ZFHX4: variants seen among roughly 807,000 people sequenced by gnomAD.
ZFHX4 encodes zinc finger homeobox protein 4.
Under a neutral mutation model 267.6 loss-of-function variants are expected in ZFHX4, and 56 were observed. The ratio of observed to expected loss-of-function variants is 0.21; its 90% CI spans 0.17 to 0.26. The LOEUF (loss-of-function observed/expected upper bound fraction) is 0.26, where lower values mean the gene tolerates loss of function less well. ZFHX4 is among the 10% of genes least tolerant of loss of function. The pLI, the probability that ZFHX4 is intolerant of heterozygous loss-of-function variation, is 1.00. For missense variants in ZFHX4, 4,332 were observed against 4,420.0 expected, an observed-to-expected ratio of 0.98 and a Z score of 0.56; for synonymous variants, 1,778 against 1,665.6, an observed-to-expected ratio of 1.07 and a Z score of -1.64.
chr8:76,728,755 AC>A (rs1378062178), intron 3 of ZFHX4, among the ~76,000 whole-genome samples: 4 of 151,850 alleles, frequency 2.6e-5, no homozygotes, highest in African/African-American at 7.2e-5. Flanking sequence ...CTGGGAGAGC[AC>A]CCCCCCAATC....
At chr8:76,818,270 G>A (rs1237917994) in intron 4 of ZFHX4, among the ~76,000 whole-genome samples, 1 of 152,056 alleles carries the variant, frequency 6.6e-6, no homozygotes, top group African/African-American at 2.4e-5. Context: ...ATTGTCCTTA[G>A]GGTTAAGAGG....
At position 76,852,519 on chromosome 8, in the gene ZFHX4, A is replaced by G. The variant is rs1156282258; in HGVS notation, c.5598A>G (p.Glu1866=). ...KEAEDISEKP[E]KPKQEFISEG... is the part of the protein sequence containing the mutation. ...CAGAAGATATTTCTGAAAAGCCAGA[A>G]AAACCAAAGCAGGAATTTATAAGTG... The change falls in exon 10 of 11, where the codon GAA becomes GAG. Residue 1866 remains glutamate (E), a synonymous_variant. Transcript: ENST00000651372. The G allele has an allele frequency of 6.2e-7, 1 of 1,607,648 alleles. No individual in the cohort carries two copies. The highest frequency in any genetic ancestry group is 1.3e-5 in the African/African-American group (1 of 74,864).
intron 3 of ZFHX4, among the ~76,000 whole-genome samples, chr8:76,744,081 C>T (rs1809391833): frequency 2.0e-5 from 3 of 152,120 alleles, no homozygotes; most frequent in South Asian, 2.1e-4. Flanking sequence ...CACAGTGGCT[C>T]ACGCCTGTAA....
rs756983466 is a variant in ZFHX4 at position 76,704,741 on chromosome 8, C to T, written c.653C>T (p.Ala218Val). 6.2e-7 allele frequency: 1 copy of T among 1,613,974 alleles called. No homozygotes were observed. The highest frequency in any genetic ancestry group is 1.7e-5 in the Admixed American group (1 of 60,020). ...GCTTTCCCAAATACCTCAGCATTAG[C>T]AGGAGTTGGTCCTGTGTTGCACAGT... ...DQAFPNTSAL[A>V]GVGPVLHSFR... is the part of the protein sequence containing the mutation. The change falls in exon 2 of 11, where the codon GCA (alanine) becomes GTA (valine). Residue 218 changes from alanine to valine, a missense_variant. Ala to Val is a moderately conservative substitution (Grantham distance 64, BLOSUM62 0). Transcript: ENST00000651372.
Position 76,721,885 on chromosome 8 carries a change from A to G in ZFHX4, c.3093+13837A>G, listed in dbSNP as rs562294868. Among the ~76,000 whole-genome samples, 81 of 152,246 alleles carry G rather than the reference A, an allele frequency of 5.3e-4. 1 individual carries two copies. In the South Asian group the frequency reaches 0.015, roughly 28 times the overall value. On this transcript the variant is annotated intron_variant, in intron 3 of 10. Transcript: ENST00000651372. ...TATGTATGATTTTTATGTTTTCATA[A>G]TAGTAAGTGTATGGATGAACCTAAA...
chr8:76,851,297 T>C lies in ZFHX4; in HGVS notation c.4376T>C (p.Leu1459Pro). 1 of 1,613,772 alleles carries C rather than the reference T, an allele frequency of 6.2e-7. No homozygotes were observed. Among genetic ancestry groups the C allele is most frequent in the Non-Finnish European group, 8.5e-7 (1 of 1,179,822 alleles). The change falls in exon 10 of 11, where the codon CTA becomes CCA. Residue 1459 changes from leucine (L) to proline (P), a missense_variant. By Grantham distance (98) the Leu-to-Pro change is moderately conservative. Around this residue, in one of 7 missense-constraint regions of ZFHX4, gnomAD observed 1,371 missense variants for 1,423.1 expected, o/e 0.96. Coordinates refer to ENST00000651372, the MANE Select transcript of ZFHX4 (RefSeq NM_024721.5). ...PELSEAELQQ[L>P]YASLPVNGEL... ...CTGAGTGAAGCTGAACTTCAACAGC[T>C]ATATGCCTCCTTGCCCGTGAATGGA...
At chr8:76,850,481 G>T (rs768984842) in intron 9 of ZFHX4, 119 bp downstream of exon 9, 98 of 835,586 alleles carry the variant, frequency 1.2e-4, no homozygotes, top group Non-Finnish European at 3.3e-5. Flanking sequence ...AAAAATGTAT[G>T]CCATTTCAAA....
intron 4 of ZFHX4, among the ~76,000 whole-genome samples, chr8:76,781,927 C>T (rs981607852): frequency 6.6e-6 from 1 of 151,898 alleles, no homozygotes; most frequent in African/African-American, 2.4e-5. Context: ...AATTGAATTC[C>T]ATAAAGTATA....
At chr8:76,745,305 C>A (rs1158581982) in intron 3 of ZFHX4, among the ~76,000 whole-genome samples, 1 of 152,064 alleles carries the variant, frequency 6.6e-6, no homozygotes, top group Non-Finnish European at 1.5e-5. Context: ...ATTTTTTTGC[C>A]TGTGCTCACA....
intron 3 of ZFHX4, among the ~76,000 whole-genome samples, chr8:76,752,283 A>G (rs1004613671): frequency 6.6e-6 from 1 of 151,970 alleles, no homozygotes; most frequent in African/African-American, 2.4e-5. Context: ...TATATTTAGT[A>G]TGGCTCTAAA....
chr8:76,715,884 C>T (rs148473784), intron 3 of ZFHX4, among the ~76,000 whole-genome samples: 1 of 152,264 alleles, frequency 6.6e-6, no homozygotes, highest in Non-Finnish European at 1.5e-5. Flanking sequence ...TAAGTACTAG[C>T]ATAAAATATA....
intron 4 of ZFHX4, among the ~76,000 whole-genome samples, chr8:76,829,378 A>C (rs1290012587): frequency 6.6e-6 from 1 of 152,216 alleles, no homozygotes; most frequent in East Asian, 1.9e-4. Context: ...TTACCAGAAT[A>C]AATATTGCTT....
At position 76,854,625 on chromosome 8, in the gene ZFHX4, C is replaced by T. The variant is rs375433440; in HGVS notation, c.7704C>T (p.Thr2568=). The change falls in exon 10 of 11, where the codon ACC becomes ACT. Residue 2568 remains threonine, a synonymous_variant. Coordinates refer to ENST00000651372, the MANE Select transcript of ZFHX4 (RefSeq NM_024721.5). ...QMPPQASSSH[T]TAPTTVAASL... ...CCCCTCAGGCCAGTTCCTCCCACAC[C>T]ACAGCCCCCACAACGGTTGCTGCTT... 1.2e-6 allele frequency: 2 copies of T among 1,613,688 alleles called. No individual in the cohort carries two copies. Among genetic ancestry groups the T allele is most frequent in the Non-Finnish European group, 1.7e-6 (2 of 1,179,856 alleles).
chr8:76,712,976 A>T (rs1347871600), intron 3 of ZFHX4, among the ~76,000 whole-genome samples: 1 of 152,234 alleles, frequency 6.6e-6, no homozygotes, highest in African/African-American at 2.4e-5. Flanking sequence ...CTTATAACTT[A>T]TAAATACATG....
intron 4 of ZFHX4, among the ~76,000 whole-genome samples, chr8:76,792,102 A>G (rs959400207): frequency 6.6e-6 from 1 of 152,190 alleles, no homozygotes. Context: ...AGTTACAAAT[A>G]CTTCCAAAAC....
chr8:76,776,231 G>T (rs936853269), intron 3 of ZFHX4, among the ~76,000 whole-genome samples: 2 of 151,814 alleles, frequency 1.3e-5, no homozygotes, highest in Admixed American at 6.6e-5. Context: ...AATGACATTG[G>T]TTGAATACCA....
At chr8:76,796,130 T>G (rs955070350) in intron 4 of ZFHX4, among the ~76,000 whole-genome samples, 1 of 152,094 alleles carries the variant, frequency 6.6e-6, no homozygotes, top group Admixed American at 6.6e-5. Context: ...AAGGTTAAGG[T>G]AGGGTAGGCA....
At chr8:76,758,788 C>T (rs563557510) in intron 3 of ZFHX4, among the ~76,000 whole-genome samples, 4 of 152,222 alleles carry the variant, frequency 2.6e-5, no homozygotes, top group Non-Finnish European at 4.4e-5. Flanking sequence ...GCCACTGTGC[C>T]CAGTCATAAG....
chr8:76,819,115 G>A (rs1811578228), intron 4 of ZFHX4, among the ~76,000 whole-genome samples: 1 of 151,432 alleles, frequency 6.6e-6, no homozygotes, highest in Admixed American at 6.6e-5. Context: ...GTGTGGGAAG[G>A]GGAGGGGAAG....
Sources: allele counts gnomAD v4.1 joint callset (sites outside exome capture counted in the v4.1 genomes callset), GRCh38; gene constraint gnomAD v4.1.1; regional missense constraint gnomAD v4.1.1; transcripts MANE v1.5; gene names NCBI Gene and HGNC (gene_info 2026-07-23, HGNC 2026-07-21).